FHIT: variants seen among roughly 807,000 people sequenced by gnomAD.
FHIT encodes the protein bis(5'-adenosyl)-triphosphatase.
A neutral mutation model predicts 17.9 loss-of-function variants in FHIT; 19 were observed. The observed-to-expected ratio is 1.06, with a 90% CI of 0.74 to 1.56. The LOEUF is 1.56. Ranked by LOEUF, FHIT falls within the 40% of genes most tolerant of loss-of-function variation. The pLI is 0.00. For missense variants in FHIT, 248 were observed against 189.2 expected, an observed-to-expected ratio of 1.31 and a Z score of -1.82; for synonymous variants, 81 against 69.7, an observed-to-expected ratio of 1.16 and a Z score of -0.81.
At chr3:59,889,456 C>T (rs1411070253) in intron 8 of FHIT, among the ~76,000 whole-genome samples, 1 of 152,184 alleles carries the variant, frequency 6.6e-6, no homozygotes, top group Non-Finnish European at 1.5e-5. Context: ...ATAAATGAAG[C>T]CTCCCCATAC....
chr3:61,189,587 A>G (rs1424566400), intron 2 of FHIT, among the ~76,000 whole-genome samples: 1 of 152,268 alleles, frequency 6.6e-6, no homozygotes, highest in African/African-American at 2.4e-5. Flanking sequence ...AAACTACTTT[A>G]AAGTTCATAT....
At chr3:59,837,502 C>G (rs990047748) in intron 8 of FHIT, among the ~76,000 whole-genome samples, 2 of 152,054 alleles carry the variant, frequency 1.3e-5, no homozygotes, top group Non-Finnish European at 2.9e-5. Flanking sequence ...TTCCAATCCT[C>G]CATTGATTGA....
intron 5 of FHIT, among the ~76,000 whole-genome samples, chr3:60,302,463 A>C (rs948749236): frequency 6.6e-6 from 1 of 152,156 alleles, no homozygotes; most frequent in Non-Finnish European, 1.5e-5. Flanking sequence ...ATGTTTTACC[A>C]TATTTCTTTT....
chr3:60,616,762 A>G (rs1553676069), intron 4 of FHIT: 2 of 152,240 alleles, frequency 1.3e-5, no homozygotes, highest in African/African-American at 4.8e-5. Context: ...AACTTGACCT[A>G]TACATTCAAT....
intron 4 of FHIT, among the ~76,000 whole-genome samples, chr3:60,805,424 G>T (rs147282771): frequency 4.8e-4 from 73 of 152,204 alleles, no homozygotes; most frequent in African/African-American, 1.7e-3. Flanking sequence ...ATGTCACATG[G>T]TCTTTCCTCT....
chr3:59,908,745 G>A (rs1015177042), intron 8 of FHIT, among the ~76,000 whole-genome samples: 3 of 151,894 alleles, frequency 2.0e-5, no homozygotes, highest in South Asian at 2.1e-4. Flanking sequence ...TGACAGAAAC[G>A]GCACTGAACT....
rs568091601 is a variant in FHIT at position 60,624,382 on chromosome 3, C to T, written c.-17-87403G>A. Among the ~76,000 whole-genome samples the T allele has an allele frequency of 1.1e-4, 16 of 152,252 alleles. No individual in the cohort carries two copies. The South Asian group carries it at 1.9e-3, about 18-fold the overall frequency. Reference sequence around the variant, plus strand: ...GTTGGATATGAAGTTTAGAAAAATCCCTACAGCTGGTGTGGATTTGAATGG... The same window carrying T: ...GTTGGATATGAAGTTTAGAAAAATCTCTACAGCTGGTGTGGATTTGAATGG... On this transcript the variant is annotated intron_variant, in intron 4 of 9. Coordinates refer to ENST00000492590, the MANE Select transcript of FHIT (RefSeq NM_002012.4).
rs1308640226 is a variant in FHIT, at chr3:60,553,500, AAAATATATAT to A, written c.-17-16531_-17-16522del. Reference sequence around the variant, plus strand: ...TATATAAAAATTATATATATTTAAAAAAATATATATATATATATATAGAGAGAGAGAGAGG... The same window carrying A: ...TATATAAAAATTATATATATTTAAAAATATATATATAGAGAGAGAGAGAGG... On this transcript the variant is annotated intron_variant, in intron 4 of 9. Transcript: ENST00000492590. 77 of 133,088 alleles carry A rather than the reference AAAATATATAT, an allele frequency of 5.8e-4. 1 individual carries two copies. Among genetic ancestry groups the A allele is most frequent in the Middle Eastern group, 3.8e-3 (1 of 262 alleles). 8.2% of individuals were successfully genotyped at this position (133,088 alleles called of 1,614,324 possible).
intron 5 of FHIT, among the ~76,000 whole-genome samples, chr3:60,230,641 G>A (rs149639733): frequency 6.6e-6 from 1 of 152,286 alleles, no homozygotes; most frequent in East Asian, 1.9e-4. Flanking sequence ...AGTTGCTCTG[G>A]TCTCTGAGTT....
intron 2 of FHIT, among the ~76,000 whole-genome samples, chr3:61,161,007 A>G (rs2107092959): frequency 6.6e-6 from 1 of 152,248 alleles, no homozygotes; most frequent in African/African-American, 2.4e-5. Flanking sequence ...GAAATTGTTC[A>G]TAAATATTAT....
At chr3:59,759,273 A>G (rs1014744498) in intron 8 of FHIT, among the ~76,000 whole-genome samples, 1 of 135,878 alleles carries the variant, frequency 7.4e-6, no homozygotes, top group African/African-American at 3.1e-5. Flanking sequence ...TTTTGGTGTG[A>G]TGAGAAGATA....
intron 8 of FHIT, among the ~76,000 whole-genome samples, chr3:59,866,854 C>A (rs146981173): frequency 6.6e-6 from 1 of 152,048 alleles, no homozygotes; most frequent in African/African-American, 2.4e-5. Flanking sequence ...TGTCTCTCAC[C>A]GGCAATCGCA....
intron 5 of FHIT, among the ~76,000 whole-genome samples, chr3:60,130,894 TACACATATATACACATATATGTATAC>T (rs1173141280): frequency 6.9e-6 from 1 of 144,828 alleles, no homozygotes; most frequent in Non-Finnish European, 1.5e-5. Flanking sequence ...TATACACACA[TACACATATATACACATATATGTATAC>T]ATACATATAT....
Position 60,536,884 on chromosome 3 carries a change from T to A in FHIT, c.79A>T (p.Asn27Tyr). Residue 27 changes from asparagine to tyrosine, a missense_variant, in exon 5 of 10, where the codon AAT becomes TAT. Asn to Tyr is a moderately radical substitution (Grantham distance 143, BLOSUM62 -2). Transcript: ENST00000492590. ...CGTCCTGGTACCACAGGTTTCCTAT[T>A]CACAAGAGCGAAGGACAGTTCTGTT... ...LKTELSFALV[N>Y]RKPVVPGHVL... 4 of 1,610,766 alleles carry A rather than the reference T, an allele frequency of 2.5e-6. No homozygotes were observed. Among genetic ancestry groups the A allele is most frequent in the Non-Finnish European group, 3.4e-6 (4 of 1,178,670 alleles).
chr3:60,717,120 G>T (rs9831418), intron 4 of FHIT, among the ~76,000 whole-genome samples: 12 of 152,168 alleles, frequency 7.9e-5, no homozygotes, highest in East Asian at 5.8e-4. Context: ...GGTAGTAGAA[G>T]GTTGGTTGCC....
chr3:60,124,262 C>G (rs1268724002), intron 5 of FHIT, among the ~76,000 whole-genome samples: 2 of 151,460 alleles, frequency 1.3e-5, no homozygotes, highest in South Asian at 2.1e-4. Flanking sequence ...CTAGAGACAC[C>G]AGACCAGTTT....
chr3:60,342,451 C>G (rs1710572948), intron 5 of FHIT, among the ~76,000 whole-genome samples: 1 of 152,124 alleles, frequency 6.6e-6, no homozygotes. Context: ...TGTGATAAAA[C>G]CTATTTAACA....
intron 3 of FHIT, among the ~76,000 whole-genome samples, chr3:61,000,091 A>C (rs1159610208): frequency 1.3e-5 from 2 of 152,142 alleles, no homozygotes; most frequent in Admixed American, 6.5e-5. Flanking sequence ...AAACATTGAG[A>C]CCATAGCATG....
chr3:60,344,854 T>C (rs920120480), intron 5 of FHIT, among the ~76,000 whole-genome samples: 6 of 150,488 alleles, frequency 4.0e-5, no homozygotes, highest in African/African-American at 1.5e-4. Flanking sequence ...ATCATAAAAG[T>C]CTACATTTTA....
Sources: allele counts gnomAD v4.1 joint callset (sites outside exome capture counted in the v4.1 genomes callset), GRCh38; gene constraint gnomAD v4.1.1; transcripts MANE v1.5; gene names NCBI Gene and HGNC (gene_info 2026-07-23, HGNC 2026-07-21).